Variants in CPS1 observed in about 807,000 individuals in gnomAD.
CPS1 encodes the protein carbamoyl-phosphate synthase 1.
In CPS1, 109 loss-of-function variants were observed where a neutral mutation model predicts 174.6. That is an observed-to-expected ratio of 0.62 (90% confidence interval 0.53 to 0.73). CPS1 has a LOEUF of 0.73. Ranked by LOEUF, CPS1 falls within the 30% of genes least tolerant of loss-of-function variation. The pLI is 0.00. For synonymous variants in CPS1, 637 were observed against 632.0 expected, an observed-to-expected ratio of 1.01 and a Z score of -0.12; for missense variants, 1,689 against 1,821.9, an observed-to-expected ratio of 0.93 and a Z score of 1.33.
At chr2:210,638,798 G>C (rs962510859) in intron 22 of CPS1, among the ~76,000 whole-genome samples, 2 of 152,102 alleles carry the variant, frequency 1.3e-5, no homozygotes, top group African/African-American at 4.8e-5. Context: ...CTTACGTATA[G>C]GTCATTTTGC....
chr2:210,492,420 G>A (rs917647299), intron 1 of CPS1, among the ~76,000 whole-genome samples: 11 of 152,276 alleles, frequency 7.2e-5, no homozygotes, highest in Admixed American at 3.3e-4. Context: ...CATTTACTAC[G>A]TTTACTATCA....
At chr2:210,539,448 C>T (rs1008878365) in intron 1 of CPS1, among the ~76,000 whole-genome samples, 2 of 152,152 alleles carry the variant, frequency 1.3e-5, no homozygotes, top group African/African-American at 2.4e-5. Flanking sequence ...TTTTAAATAA[C>T]TGATCTGATC....
At position 210,602,264 on chromosome 2, in the gene CPS1, T is replaced by C. The variant is rs1245368879; in HGVS notation, c.1770T>C (p.Tyr590=). 8 of 1,612,466 alleles carry C rather than the reference T, an allele frequency of 5.0e-6. No homozygotes were observed. The highest frequency in any genetic ancestry group is 1.3e-5 in the African/African-American group (1 of 74,790). ...ACCCAGTGATGATCCGTTCCGCCTA[T>C]GCACTGGGTGGGTTAGGCTCAGGCA... ...IGYPVMIRSA[Y]ALGGLGSGIC... Residue 590 remains tyrosine (Y), a synonymous_variant, in exon 16 of 38, where the codon TAT becomes TAC. Coordinates refer to ENST00000233072, the MANE Select transcript of CPS1 (RefSeq NM_001875.5).
chr2:210,523,837 C>T (rs189891333), intron 1 of CPS1, among the ~76,000 whole-genome samples: 5 of 152,064 alleles, frequency 3.3e-5, no homozygotes, highest in Non-Finnish European at 7.4e-5. Context: ...ATTGACGTTT[C>T]TTTGACCAGC....
At chr2:210,507,310 T>A (rs1168486264) in intron 1 of CPS1, among the ~76,000 whole-genome samples, 1 of 152,144 alleles carries the variant, frequency 6.6e-6, no homozygotes, top group Non-Finnish European at 1.5e-5. Context: ...TAAAATACTT[T>A]ATAGATAAGC....
chr2:210,508,670 G>C (rs1288761021), intron 1 of CPS1, among the ~76,000 whole-genome samples: 1 of 152,082 alleles, frequency 6.6e-6, no homozygotes, highest in East Asian at 1.9e-4. Context: ...GAATCAAATA[G>C]ATGCAATTAA....
rs1221447754 is a variant in CPS1, at chr2:210,642,549, A to C, written c.3025A>C (p.Lys1009Gln). 15 of 1,613,946 alleles carry C rather than the reference A, an allele frequency of 9.3e-6. No individual in the cohort carries two copies. The highest frequency in any genetic ancestry group is 2.7e-5 in the African/African-American group (2 of 74,928). The change falls in exon 25 of 38, where the codon AAG becomes CAG. Residue 1009 changes from lysine to glutamine, a missense_variant. Transcript: ENST00000233072. ...CCGCACACTGCGTCAACTTGGCAAGAAGACGGTGGTGGTGAATTGCAATCC... is the reference window on the plus strand; with the variant it reads ...CCGCACACTGCGTCAACTTGGCAAGCAGACGGTGGTGGTGAATTGCAATCC... Reference protein sequence around the residue: ...SIRTLRQLGKKTVVVNCNPET... With the variant: ...SIRTLRQLGKQTVVVNCNPET...
intron 20 of CPS1, among the ~76,000 whole-genome samples, chr2:210,613,196 G>A (rs1020908195): frequency 1.7e-4 from 26 of 151,886 alleles, no homozygotes; most frequent in Non-Finnish European, 3.4e-4. Context: ...ATTTGCCTGT[G>A]TAGAAACAGA....
At chr2:210,564,888 G>C (rs995307637) in intron 1 of CPS1, among the ~76,000 whole-genome samples, 1 of 151,898 alleles carries the variant, frequency 6.6e-6, no homozygotes, top group Admixed American at 6.6e-5. Context: ...TCAGCTACTC[G>C]GGAGGCTGAA....
chr2:210,497,912 A>ATATATATC (rs1695039221), intron 1 of CPS1, among the ~76,000 whole-genome samples: 2 of 140,092 alleles, frequency 1.4e-5, no homozygotes, highest in South Asian at 4.6e-4. Flanking sequence ...ATATATATAT[A>ATATATATC]TATATATCTC....
Position 210,590,915 on chromosome 2 carries a change from T to C in CPS1, c.947+9T>C. On this transcript the variant is annotated intron_variant, in intron 9 of 37. Coordinates refer to ENST00000233072, the MANE Select transcript of CPS1 (RefSeq NM_001875.5). ...ATGTCCATGGCCAACAGGTGAGGTA[T>C]TTTCACTTTTGCTTACAGTAAACCA... is the stretch of plus-strand genomic sequence containing the variant. 1 of 1,607,652 alleles carries C rather than the reference T, an allele frequency of 6.2e-7. No homozygotes were observed. The highest frequency in any genetic ancestry group is 8.5e-7 in the Non-Finnish European group (1 of 1,175,574).
rs897057846 is a variant in CPS1 at position 210,521,324 on chromosome 2, C to A, written c.4-35395C>A. Among the ~76,000 whole-genome samples the A allele has an allele frequency of 2.6e-5, 4 of 151,408 alleles. No individual in the cohort carries two copies. In the East Asian group the frequency reaches 7.8e-4, roughly 30 times the overall value. On this transcript the variant is annotated intron_variant, in intron 1 of 38. Transcript: ENST00000430249. ...CATCTTTTTTCTTTCTACATGTTTC[C>A]TTTTTTTCTCAATTTTCAAGATTTT...
chr2:210,566,410 A>G (rs1358203412), intron 1 of CPS1, among the ~76,000 whole-genome samples: 1 of 152,072 alleles, frequency 6.6e-6, no homozygotes, highest in Admixed American at 6.6e-5. Context: ...CTCAGATTAT[A>G]ATGACTCAGG....
intron 1 of CPS1, among the ~76,000 whole-genome samples, chr2:210,548,697 CT>C (rs1696628461): frequency 1.3e-5 from 2 of 151,578 alleles, no homozygotes; most frequent in Admixed American, 6.6e-5. Flanking sequence ...TTTTTTTCCC[CT>C]CTCCAGATCA....
intron 1 of CPS1, among the ~76,000 whole-genome samples, chr2:210,480,286 G>A (rs569678936): frequency 6.6e-6 from 1 of 152,268 alleles, no homozygotes; most frequent in African/African-American, 2.4e-5. Context: ...GTGTTCTACT[G>A]GTGAGGATTT....
intron 1 of CPS1, among the ~76,000 whole-genome samples, chr2:210,524,841 T>G (rs1695931265): frequency 6.6e-6 from 1 of 152,048 alleles, no homozygotes; most frequent in Non-Finnish European, 1.5e-5. Flanking sequence ...CTGTTCTTTC[T>G]GTGCAAAACC....
intron 21 of CPS1, among the ~76,000 whole-genome samples, chr2:210,628,369 GAATTT>G (rs1699755901): frequency 2.6e-5 from 4 of 152,118 alleles, no homozygotes; most frequent in African/African-American, 9.6e-5. Flanking sequence ...ATGTCACCAG[GAATTT>G]AATTCTAGCA....
intron 1 of CPS1, among the ~76,000 whole-genome samples, chr2:210,484,945 T>G (rs922066905): frequency 6.6e-6 from 1 of 152,098 alleles, no homozygotes; most frequent in East Asian, 1.9e-4. Flanking sequence ...AAAATAGATC[T>G]TGGCCAGGCA....
intron 1 of CPS1, among the ~76,000 whole-genome samples, chr2:210,507,327 TGA>T (rs1452357430): frequency 1.3e-5 from 2 of 152,186 alleles, no homozygotes; most frequent in Non-Finnish European, 2.9e-5. Context: ...AAGCAAATGC[TGA>T]GAGATTTTCT....
Sources: gnomAD v4.1 joint callset for allele counts (sites outside exome capture counted in the v4.1 genomes callset) on GRCh38, gnomAD v4.1.1 for gene constraint, MANE v1.5 for transcripts, NCBI Gene and HGNC (gene_info 2026-07-23, HGNC 2026-07-21) for gene names.